The following TMEM132C variants were observed in gnomAD, a reference collection of about 807,000 sequenced individuals.
TMEM132C encodes the protein transmembrane protein 132C.
In TMEM132C, 29 loss-of-function variants were observed where a neutral mutation model predicts 61.4. The ratio of observed to expected loss-of-function variants is 0.47; its 90% CI spans 0.35 to 0.64. TMEM132C has a LOEUF of 0.64. Among genes scored for constraint, TMEM132C ranks in the 30% least tolerant of loss-of-function variants. The probability of loss-of-function intolerance (pLI) is 0.00; values close to 1 mark genes in which losing one functional copy is unlikely to be tolerated. For missense variants in TMEM132C, 1,408 were observed against 1,476.9 expected (o/e 0.95, Z 0.76); for synonymous variants, 656 against 633.1 (o/e 1.04, Z -0.54).
intron 2 of TMEM132C, among the ~76,000 whole-genome samples, chr12:128,477,729 G>A (rs1035567956): frequency 2.0e-5 from 3 of 152,202 alleles, no homozygotes; most frequent in Admixed American, 1.3e-4. Flanking sequence ...ATAGGCACCC[G>A]CCGTCACACC....
At chr12:128,313,516 T>A (rs1872044583) in intron 1 of TMEM132C, among the ~76,000 whole-genome samples, 1 of 149,626 alleles carries the variant, frequency 6.7e-6, no homozygotes, top group Admixed American at 6.6e-5. Flanking sequence ...TTTCTCCATC[T>A]TTATTAACAG....
intron 1 of TMEM132C, among the ~76,000 whole-genome samples, chr12:128,299,079 T>C (rs1593002365): frequency 6.6e-6 from 1 of 152,312 alleles, no homozygotes; most frequent in Middle Eastern, 3.4e-3. Flanking sequence ...GTAGGATTAG[T>C]ATGAAAATCC....
In TMEM132C at chr12:128,705,239, TGTG is replaced by T; in HGVS notation, c.2276_2278del (p.Val759del). 7.1e-6 allele frequency: 11 copies of T among 1,551,626 alleles called. No homozygotes were observed. The highest frequency in any genetic ancestry group is 1.2e-5 in the South Asian group (1 of 84,054). Reference sequence around the variant, plus strand: ...AGCCCCGCTCTCCCAGGTGGCCCGTTGTGGTGGCCGAAGGGGAAGGCCAGGGCC... The same window carrying T: ...AGCCCCGCTCTCCCAGGTGGCCCGTTGTGGCCGAAGGGGAAGGCCAGGGCC... On this transcript the variant is annotated inframe_deletion, in exon 9 of 9. Coordinates refer to ENST00000435159, the MANE Select transcript of TMEM132C (RefSeq NM_001136103.3).
At chr12:128,638,720 TGGA>T (rs1954121141) in intron 4 of TMEM132C, among the ~76,000 whole-genome samples, 1 of 152,138 alleles carries the variant, frequency 6.6e-6, no homozygotes, top group Admixed American at 6.5e-5. Flanking sequence ...AGTAAAAGGG[TGGA>T]GAAGAGGAGG....
rs59258589 is a variant in TMEM132C at position 128,566,189 on chromosome 12, C to CAAAA, written c.1121+22101_1121+22104dup. On this transcript the variant is annotated intron_variant, in intron 3 of 8. Coordinates refer to ENST00000435159, the MANE Select transcript of TMEM132C (RefSeq NM_001136103.3). ...ATAGGCATGAGACACCAAGCCTAAC[C>CAAAA]AAAAAAAAAAAAAAAAAAGTTTTAA... 6.2e-4 allele frequency among the ~76,000 whole-genome samples: 42 copies of CAAAA among 67,826 alleles called. 3 individuals are homozygous for CAAAA. Among genetic ancestry groups the CAAAA allele is most frequent in the African/African-American group, 2.0e-3 (41 of 20,058 alleles). The allele number at this position is 67,826 out of a possible 152,430, so 44.5% of individuals were successfully genotyped here.
chr12:128,541,896 A>G (rs12824011), intron 2 of TMEM132C, among the ~76,000 whole-genome samples: 70,046 of 152,002 alleles, frequency 0.46, 18,762 homozygotes, highest in Non-Finnish European at 0.6. Flanking sequence ...GAATCTCAGC[A>G]TTCAGCACAC....
At chr12:128,402,591 G>C (rs1300762362) in intron 1 of TMEM132C, among the ~76,000 whole-genome samples, 1 of 152,176 alleles carries the variant, frequency 6.6e-6, no homozygotes, top group Admixed American at 6.5e-5. Flanking sequence ...TGTCCTGGGA[G>C]AGCCCCAGCC....
Position 128,533,900 on chromosome 12 carries a change from G to A in TMEM132C, c.975-10057G>A, listed in dbSNP as rs143508353. On this transcript the variant is annotated intron_variant, in intron 2 of 8. Transcript: ENST00000435159. Reference sequence around the variant, plus strand: ...GTGGTACTTACCCGCCCTCCCATCCGTGCACACACATGCATACACACACAC... The same window carrying A: ...GTGGTACTTACCCGCCCTCCCATCCATGCACACACATGCATACACACACAC... Among the ~76,000 whole-genome samples the A allele has an allele frequency of 2.6e-5, 4 of 151,636 alleles. No homozygotes were observed. The East Asian group carries it at 5.8e-4, about 22-fold the overall frequency.
intron 2 of TMEM132C, among the ~76,000 whole-genome samples, chr12:128,497,303 G>A (rs1872000113): frequency 2.0e-5 from 3 of 152,232 alleles, no homozygotes; most frequent in African/African-American, 7.2e-5. Context: ...GAGGTAGTCT[G>A]TCCATTCTCA....
At chr12:128,434,648 C>T (rs908747193) in intron 2 of TMEM132C, among the ~76,000 whole-genome samples, 3 of 150,734 alleles carry the variant, frequency 2.0e-5, no homozygotes, top group African/African-American at 7.3e-5. Flanking sequence ...TGTCACCCAG[C>T]CTCGTGTGCA....
intron 5 of TMEM132C, among the ~76,000 whole-genome samples, chr12:128,678,282 A>G (rs1004960046): frequency 2.6e-5 from 4 of 152,206 alleles, no homozygotes; most frequent in Non-Finnish European, 5.9e-5. Flanking sequence ...GGAATCCAGA[A>G]GTCCCGGACT....
intron 2 of TMEM132C, among the ~76,000 whole-genome samples, chr12:128,422,283 TGTTA>T (rs1426782060): frequency 1.3e-5 from 2 of 151,562 alleles, no homozygotes; most frequent in African/African-American, 4.9e-5. Context: ...CCAAAATCAG[TGTTA>T]GTTTGACTCA....
At chr12:128,426,752 G>A (rs902801827) in intron 2 of TMEM132C, among the ~76,000 whole-genome samples, 5 of 152,090 alleles carry the variant, frequency 3.3e-5, no homozygotes, top group Non-Finnish European at 7.4e-5. Context: ...CCCAGCTCCC[G>A]TGAAACATTG....
At chr12:128,405,759 T>C (rs1389189395) in intron 1 of TMEM132C, among the ~76,000 whole-genome samples, 1 of 152,204 alleles carries the variant, frequency 6.6e-6, no homozygotes, top group African/African-American at 2.4e-5. Context: ...CTGGACTGAT[T>C]AACAGTGCAT....
intron 1 of TMEM132C, among the ~76,000 whole-genome samples, chr12:128,405,198 C>A (rs1244298548): frequency 6.6e-6 from 1 of 152,140 alleles, no homozygotes; most frequent in African/African-American, 2.4e-5. Flanking sequence ...CATGGCAGCC[C>A]TGGAATTGTT....
intron 8 of TMEM132C, among the ~76,000 whole-genome samples, chr12:128,704,369 C>T (rs1954822057): frequency 6.6e-6 from 1 of 152,170 alleles, no homozygotes; most frequent in Admixed American, 6.5e-5. Context: ...TTTGCTTCCT[C>T]TTTCACTCTG....
chr12:128,282,943 A>G (rs1423900301), intron 1 of TMEM132C, among the ~76,000 whole-genome samples: 2 of 152,170 alleles, frequency 1.3e-5, no homozygotes, highest in Non-Finnish European at 2.9e-5. Context: ...GTGTCACAAT[A>G]TTAATGATGT....
At chr12:128,655,299 G>A (rs1217052085) in intron 4 of TMEM132C, among the ~76,000 whole-genome samples, 1 of 152,150 alleles carries the variant, frequency 6.6e-6, no homozygotes, top group Admixed American at 6.5e-5. Context: ...CTGCTTAGAG[G>A]GAAAATTACC....
intron 2 of TMEM132C, among the ~76,000 whole-genome samples, chr12:128,422,696 A>G (rs1240839516): frequency 2.0e-5 from 3 of 152,184 alleles, no homozygotes; most frequent in Non-Finnish European, 4.4e-5. Context: ...TCTCAATATC[A>G]TCAGCGTTTG....
Sources: allele counts gnomAD v4.1 joint callset (sites outside exome capture counted in the v4.1 genomes callset), GRCh38; gene constraint gnomAD v4.1.1; transcripts MANE v1.5; gene names NCBI Gene and HGNC (gene_info 2026-07-23, HGNC 2026-07-21).